SIPA1L1: variants seen among roughly 807,000 people sequenced by gnomAD.
The protein encoded by SIPA1L1 is signal induced proliferation associated 1 like 1.
A neutral mutation model predicts 162.7 loss-of-function variants in SIPA1L1; 26 were observed. The ratio of observed to expected loss-of-function variants is 0.16; its 90% CI spans 0.12 to 0.22. SIPA1L1 has a LOEUF of 0.22. Among genes scored for constraint, SIPA1L1 ranks in the 10% least tolerant of loss-of-function variants. The pLI is 1.00. For missense variants in SIPA1L1, 1,874 were observed against 2,241.0 expected, an observed-to-expected ratio of 0.84 and a Z score of 3.31; for synonymous variants, 829 against 837.4, an observed-to-expected ratio of 0.99 and a Z score of 0.17.
intron 7 of SIPA1L1, among the ~76,000 whole-genome samples, chr14:71,640,624 AT>A (rs1481797991): frequency 2.6e-5 from 4 of 151,882 alleles, no homozygotes; most frequent in African/African-American, 7.3e-5. Flanking sequence ...ATTGAAATTC[AT>A]TTTTTTTCTT....
intron 2 of SIPA1L1, among the ~76,000 whole-genome samples, chr14:71,366,940 C>T (rs890389632): frequency 2.0e-5 from 3 of 152,104 alleles, no homozygotes; most frequent in African/African-American, 7.2e-5. Context: ...ATAAGTTACA[C>T]AAGAAATATA....
chr14:71,680,353 A>C (rs936227439), intron 12 of SIPA1L1, among the ~76,000 whole-genome samples: 8 of 152,244 alleles, frequency 5.3e-5, no homozygotes, highest in African/African-American at 1.9e-4. Flanking sequence ...ATGAAGGCAG[A>C]AATTAAAATG....
intron 14 of SIPA1L1, among the ~76,000 whole-genome samples, chr14:71,700,994 C>CAAAAAAAAAAAAAAAAAAAAAAA (rs539293669): frequency 5.8e-5 from 3 of 51,750 alleles, no homozygotes; most frequent in Non-Finnish European, 6.7e-5. Flanking sequence ...GACTCCGTCT[C>CAAAAAAAAAAAAAAAAAAAAAAA]AAAAAAAAAA....
At chr14:71,466,379 A>T (rs2046995460) in intron 2 of SIPA1L1, among the ~76,000 whole-genome samples, 1 of 152,194 alleles carries the variant, frequency 6.6e-6, no homozygotes, top group Non-Finnish European at 1.5e-5. Flanking sequence ...TGCATCTAAG[A>T]GGTGGTGTTG....
chr14:71,457,001 C>G (rs1420031773), intron 2 of SIPA1L1, among the ~76,000 whole-genome samples: 2 of 152,164 alleles, frequency 1.3e-5, no homozygotes, highest in Non-Finnish European at 2.9e-5. Flanking sequence ...AGGCTGGTCT[C>G]AAACACCTAG....
intron 2 of SIPA1L1, among the ~76,000 whole-genome samples, chr14:71,496,752 C>T (rs991552979): frequency 6.6e-6 from 1 of 152,060 alleles, no homozygotes; most frequent in African/African-American, 2.4e-5. Context: ...TGTTTTGGTG[C>T]TCTGTTGTTA....
In SIPA1L1 at chr14:71,637,796, G is replaced by A. The variant is rs144376429; in HGVS notation, c.1819-12539G>A. Among the ~76,000 whole-genome samples the A allele has an allele frequency of 8.4e-4, 127 of 152,028 alleles. 1 individual carries two copies. Among genetic ancestry groups the A allele is most frequent in the Admixed American group, 3.4e-3 (52 of 15,246 alleles). On this transcript the variant is annotated intron_variant, in intron 7 of 23. Transcript: ENST00000381232. Reference sequence around the variant, plus strand: ...CATGGTATATAGTTATATAGGGTTCGGTACTATCCATGGTTTCAGGCATCC... The same window carrying A: ...CATGGTATATAGTTATATAGGGTTCAGTACTATCCATGGTTTCAGGCATCC...
chr14:71,585,840 T>C (rs1197143141), intron 4 of SIPA1L1, among the ~76,000 whole-genome samples: 1 of 152,260 alleles, frequency 6.6e-6, no homozygotes, highest in African/African-American at 2.4e-5. Flanking sequence ...AACAGGTGTT[T>C]GCATTTTGGT....
In SIPA1L1 at chr14:71,589,110, G is replaced by A. The variant is rs2034943390; in HGVS notation, c.1238G>A (p.Ser413Asn). 6.2e-7 allele frequency: 1 copy of A among 1,614,122 alleles called. No homozygotes were observed. The highest frequency in any genetic ancestry group is 8.5e-7 in the Non-Finnish European group (1 of 1,179,980). The change falls in exon 5 of 24, where the codon AGC (serine) becomes AAC (asparagine). Residue 413 changes from serine to asparagine, a missense_variant. By Grantham distance (46) the Ser-to-Asn change is conservative. Transcript: ENST00000381232. Reference protein sequence around the residue: ...GDDKSNELVMSCPYFRNEIGG... With the variant: ...GDDKSNELVMNCPYFRNEIGG... ...GATAAAAGCAATGAGCTTGTAATGA[G>A]CTGTCCATATTTTCGGAATGAGATA... is the stretch of plus-strand genomic sequence containing the variant.
chr14:71,704,592 T>C, intron 15 of SIPA1L1: 2 of 668,182 alleles, frequency 3.0e-6, no homozygotes, highest in Non-Finnish European at 5.4e-6. Flanking sequence ...TTAGCTATAG[T>C]GGTGTTATGG....
intron 9 of SIPA1L1, among the ~76,000 whole-genome samples, chr14:71,659,213 A>C (rs117983825): frequency 1.3e-5 from 2 of 152,214 alleles, no homozygotes; most frequent in Non-Finnish European, 2.9e-5. Flanking sequence ...TGAGCAGTCC[A>C]ATTTTACTTC....
intron 5 of SIPA1L1, among the ~76,000 whole-genome samples, chr14:71,594,712 T>C (rs2035831060): frequency 6.6e-6 from 1 of 152,254 alleles, no homozygotes; most frequent in Admixed American, 6.5e-5. Context: ...TTTAATGCCC[T>C]TGCCTTTCAT....
At chr14:71,626,174 A>G (rs1032787753) in intron 7 of SIPA1L1, among the ~76,000 whole-genome samples, 1 of 152,210 alleles carries the variant, frequency 6.6e-6, no homozygotes, top group Non-Finnish European at 1.5e-5. Context: ...TTTCTTTAAT[A>G]TCTTTACTAG....
chr14:71,614,568 A>C (rs1201478107), intron 5 of SIPA1L1, among the ~76,000 whole-genome samples: 1 of 152,242 alleles, frequency 6.6e-6, no homozygotes, highest in East Asian at 1.9e-4. Context: ...TGGAAAAGCT[A>C]TTTGGGAAAT....
chr14:71,409,833 T>C, intron 2 of SIPA1L1, among the ~76,000 whole-genome samples: 1 of 152,274 alleles, frequency 6.6e-6, no homozygotes, highest in African/African-American at 2.4e-5. Context: ...TGGTCTGAAG[T>C]TATAAAGTAA....
At chr14:71,547,767 T>C (rs2055378696) in intron 4 of SIPA1L1, among the ~76,000 whole-genome samples, 1 of 152,232 alleles carries the variant, frequency 6.6e-6, no homozygotes, top group Non-Finnish European at 1.5e-5. Context: ...AAATAACAGA[T>C]GCTCGTGAGC....
intron 2 of SIPA1L1, among the ~76,000 whole-genome samples, chr14:71,373,089 A>C (rs1436813983): frequency 6.6e-6 from 1 of 152,032 alleles, no homozygotes; most frequent in African/African-American, 2.4e-5. Flanking sequence ...ATGCAGGCGG[A>C]TCATGAGGTC....
chr14:71,351,718 T>C (rs2036730049), intron 2 of SIPA1L1, among the ~76,000 whole-genome samples: 1 of 152,206 alleles, frequency 6.6e-6, no homozygotes, highest in Non-Finnish European at 1.5e-5. Flanking sequence ...AACCAACTTA[T>C]TGTTTAAATA....
intron 19 of SIPA1L1, among the ~76,000 whole-genome samples, chr14:71,727,061 A>T (rs942512671): frequency 3.9e-5 from 6 of 152,086 alleles, no homozygotes; most frequent in African/African-American, 1.4e-4. Flanking sequence ...TCCCAGGCTC[A>T]TTTGTCAGCA....
Sources: gnomAD v4.1 joint callset for allele counts (sites outside exome capture counted in the v4.1 genomes callset) on GRCh38, gnomAD v4.1.1 for gene constraint, MANE v1.5 for transcripts, NCBI Gene and HGNC (gene_info 2026-07-23, HGNC 2026-07-21) for gene names.